CNTN6: variants seen among roughly 807,000 people sequenced by gnomAD.
CNTN6 encodes contactin-6.
Under a neutral mutation model 122.8 loss-of-function variants are expected in CNTN6, and 137 were observed. That is an observed-to-expected ratio of 1.12 (90% CI 0.97 to 1.29). The LOEUF is 1.29. Among genes scored for constraint, CNTN6 ranks in the 50% most tolerant of loss-of-function variants. The pLI is 0.00. For missense variants in CNTN6, 1,634 were observed against 1,223.4 expected (o/e 1.34, Z -5.01); for synonymous variants, 570 against 426.0 (o/e 1.34, Z -4.16).
chr3:1,137,307 T>C lies in CNTN6; in HGVS notation c.-82-10620T>C, dbSNP rs570917205. Among the ~76,000 whole-genome samples the C allele has an allele frequency of 2.6e-5, 4 of 152,262 alleles. No homozygotes were observed. The South Asian group carries it at 8.3e-4, about 31-fold the overall frequency. The stretch of plus-strand genomic sequence containing the variant: ...ATTTGTTGTTGTTAATGCCTTTTTG[T>C]TGTACTTTTACCGCATGGAAATATG... On this transcript the variant is annotated intron_variant, in intron 1 of 22. Transcript: ENST00000446702.
At chr3:1,294,814 G>A (rs2125860880) in intron 5 of CNTN6, among the ~76,000 whole-genome samples, 1 of 152,232 alleles carries the variant, frequency 6.6e-6, no homozygotes, top group East Asian at 1.9e-4. Flanking sequence ...TCCCTATAAT[G>A]CCTTTGTCAA....
In CNTN6 at chr3:1,372,745, G is replaced by C. The variant is rs1709236255; in HGVS notation, c.1669-93G>C. The C allele has an allele frequency of 3.8e-6, 3 of 793,318 alleles. No individual in the cohort carries two copies. In the East Asian group the frequency reaches 7.7e-5, roughly 20 times the overall value. The allele number at this position is 793,318 out of a possible 1,614,324, so 49.1% of individuals were successfully genotyped here. A position where few individuals can be genotyped will look rare whatever the true frequency, so the allele number is the denominator to read the frequency against. On this transcript the variant is annotated intron_variant, in intron 13 of 22. Transcript: ENST00000446702. ...TAGTATATCTTTTAATTTCAGAGTT[G>C]TTTTATGTTTCGTATTTATCCAGCT...
chr3:1,338,744 G>T (rs967521144), intron 11 of CNTN6, among the ~76,000 whole-genome samples: 1 of 151,996 alleles, frequency 6.6e-6, no homozygotes, highest in African/African-American at 2.4e-5. Context: ...AGACAGAAAA[G>T]GTCAATTATT....
intron 4 of CNTN6, among the ~76,000 whole-genome samples, chr3:1,264,908 C>T (rs2094903017): frequency 6.6e-6 from 1 of 152,144 alleles, no homozygotes; most frequent in African/African-American, 2.4e-5. Context: ...ATTCTACTCT[C>T]TACTTACATG....
chr3:1,283,862 T>A (rs1693896655), intron 5 of CNTN6, among the ~76,000 whole-genome samples: 1 of 152,014 alleles, frequency 6.6e-6, no homozygotes, highest in South Asian at 2.1e-4. Context: ...TAGCCGGGTG[T>A]GGTGGCAGGC....
intron 5 of CNTN6, among the ~76,000 whole-genome samples, chr3:1,287,573 G>A (rs1219875067): frequency 6.6e-6 from 1 of 152,130 alleles, no homozygotes; most frequent in African/African-American, 2.4e-5. Flanking sequence ...CTGGCTATGA[G>A]ATAAGAGTCG....
intron 4 of CNTN6, among the ~76,000 whole-genome samples, chr3:1,272,516 A>T (rs1304217083): frequency 5.4e-5 from 8 of 149,382 alleles, no homozygotes. Flanking sequence ...GAAATAATTC[A>T]TACATAGTAA....
intron 2 of CNTN6, among the ~76,000 whole-genome samples, chr3:1,188,156 C>A (rs1004057952): frequency 6.6e-6 from 1 of 152,056 alleles, no homozygotes; most frequent in African/African-American, 2.4e-5. Flanking sequence ...ATTGAAAAAC[C>A]ATATCCCCAC....
Position 1,383,301 on chromosome 3 carries a change from C to G in CNTN6, c.2410C>G (p.Leu804Val). The G allele has an allele frequency of 6.2e-7, 1 of 1,613,630 alleles. No homozygotes were observed. The highest frequency in any genetic ancestry group is 1.1e-5 in the South Asian group (1 of 91,076). Residue 804 changes from leucine to valine, a missense_variant, in exon 19 of 23, where the codon CTG becomes GTG. Transcript: ENST00000446702. ...CTTTCTCTGGATGGTAGAACCTCAA[C>G]TGGCCCCAAGGGGAACTTCTCTCCA... ...IVYSGEDEPQLAPRGTSLQSF... is the reference protein window; with the variant it reads ...IVYSGEDEPQVAPRGTSLQSF...
chr3:1,393,738 A>G (rs934504161), intron 20 of CNTN6, among the ~76,000 whole-genome samples: 1 of 152,104 alleles, frequency 6.6e-6, no homozygotes, highest in Non-Finnish European at 1.5e-5. Flanking sequence ...TTTATTATAC[A>G]TAATCCCATC....
chr3:1,348,157 C>CAAAAAAAAAAAAAAAAAA (rs532282828), intron 11 of CNTN6, among the ~76,000 whole-genome samples: 1,369 of 64,068 alleles, frequency 0.021, 181 homozygotes, highest in Middle Eastern at 0.031. Flanking sequence ...ATGCTATAGA[C>CAAAAAAAAAAAAAAAAAA]AAAAAAAAAA....
chr3:1,259,283 A>T (rs2094807338), intron 4 of CNTN6, among the ~76,000 whole-genome samples: 1 of 152,174 alleles, frequency 6.6e-6, no homozygotes, highest in East Asian at 1.9e-4. Flanking sequence ...TTACTAGTAC[A>T]TGGTAGAAGG....
At chr3:1,136,930 C>T (rs919443825) in intron 1 of CNTN6, among the ~76,000 whole-genome samples, 2 of 152,094 alleles carry the variant, frequency 1.3e-5, no homozygotes, top group Non-Finnish European at 2.9e-5. Context: ...ATTTGACTGC[C>T]GTGAAGATGA....
At chr3:1,111,448 T>A (rs2091476655) in intron 1 of CNTN6, among the ~76,000 whole-genome samples, 1 of 152,294 alleles carries the variant, frequency 6.6e-6, no homozygotes, top group South Asian at 2.1e-4. Flanking sequence ...AGATGTAAAG[T>A]AAATCGGTTA....
At chr3:1,180,122 A>G (rs1043771521) in intron 2 of CNTN6, among the ~76,000 whole-genome samples, 15 of 152,202 alleles carry the variant, frequency 9.9e-5, no homozygotes, top group Non-Finnish European at 2.2e-4. Flanking sequence ...GTTCATCCCA[A>G]GCAAAAGTTG....
chr3:1,247,200 A>G (rs1203160296), intron 4 of CNTN6, among the ~76,000 whole-genome samples: 1 of 152,024 alleles, frequency 6.6e-6, no homozygotes, highest in Non-Finnish European at 1.5e-5. Flanking sequence ...ATGGTGTAAA[A>G]TTGGTTCAAT....
intron 4 of CNTN6, among the ~76,000 whole-genome samples, chr3:1,276,793 G>A (rs1232517931): frequency 6.6e-6 from 1 of 152,120 alleles, no homozygotes; most frequent in Non-Finnish European, 1.5e-5. Flanking sequence ...CCTCAAACAA[G>A]ATAGAAATTT....
chr3:1,197,853 G>A (rs1032321019), intron 2 of CNTN6, among the ~76,000 whole-genome samples: 2 of 152,022 alleles, frequency 1.3e-5, no homozygotes, highest in East Asian at 1.9e-4. Flanking sequence ...GCTCTATTAC[G>A]TGTGCTAATT....
At chr3:1,154,197 T>A (rs908870404) in intron 2 of CNTN6, among the ~76,000 whole-genome samples, 7 of 152,142 alleles carry the variant, frequency 4.6e-5, no homozygotes, top group Admixed American at 1.3e-4. Context: ...GGAAAAAAAA[T>A]TATGTTTTGT....
Sources: gnomAD v4.1 joint callset for allele counts (sites outside exome capture counted in the v4.1 genomes callset) on GRCh38, gnomAD v4.1.1 for gene constraint, MANE v1.5 for transcripts, NCBI Gene and HGNC (gene_info 2026-07-23, HGNC 2026-07-21) for gene names.